The following GABRA4 variants were observed in gnomAD, a reference collection of about 807,000 sequenced individuals.
The protein encoded by GABRA4 is gamma-aminobutyric acid type A receptor subunit alpha4.
A neutral mutation model predicts 49.7 loss-of-function variants in GABRA4; 12 were observed. That is an observed-to-expected ratio of 0.24 (90% confidence interval 0.15 to 0.39). The LOEUF (loss-of-function observed/expected upper bound fraction) is 0.39. Ranked by LOEUF, GABRA4 falls within the 10% of genes least tolerant of loss-of-function variation. GABRA4 has a pLI of 1.00. For synonymous variants in GABRA4, 288 were observed against 240.2 expected, an observed-to-expected ratio of 1.20 and a Z score of -1.84; for missense variants, 506 against 686.0, an observed-to-expected ratio of 0.74 and a Z score of 2.93.
chr4:46,924,907 CTTG>C lies in GABRA4; in HGVS notation c.*3315_*3317del, dbSNP rs1227870406. 3 of 151,944 alleles carry C rather than the reference CTTG, an allele frequency of 2.0e-5. No homozygotes were observed. The highest frequency in any genetic ancestry group is 4.8e-5 in the African/African-American group (2 of 41,428). 9.4% of individuals were successfully genotyped at this position (151,944 alleles called of 1,614,324 possible). On this transcript the variant is annotated 3_prime_UTR_variant, in exon 9 of 9. Transcript: ENST00000264318. ...AATCAGTCTTAGAGAGGTTAAGAGA[CTTG>C]TTTAAAACCACAAGACACTCAGAAC...
In GABRA4 at chr4:46,926,819, C is replaced by T. The variant is rs1464754279; in HGVS notation, c.*1406G>A. ...AGAAAGAAGTCAGTAGATGAAAACC[C>T]TGATAAATCACATAGCAGAGTCAGT... On this transcript the variant is annotated 3_prime_UTR_variant, in exon 9 of 9. Coordinates refer to ENST00000264318, the MANE Select transcript of GABRA4 (RefSeq NM_000809.4). 1 of 151,876 alleles carries T rather than the reference C, an allele frequency of 6.6e-6. No homozygotes were observed. Among genetic ancestry groups the T allele is most frequent in the Non-Finnish European group, 1.5e-5 (1 of 67,868 alleles). The allele number at this position is 151,876 out of a possible 1,614,324, so 9.4% of individuals were successfully genotyped here.
chr4:46,977,702 A>C, intron 3 of GABRA4, 72 bp from the exon 4 acceptor site: 1 of 1,005,780 alleles, frequency 9.9e-7, no homozygotes, highest in South Asian at 1.6e-5. Flanking sequence ...TAATGCATTA[A>C]ATTCTGTCTT....
At chr4:46,957,795 A>G (rs978874603) in intron 8 of GABRA4, among the ~76,000 whole-genome samples, 5 of 151,914 alleles carry the variant, frequency 3.3e-5, no homozygotes, top group Non-Finnish European at 5.9e-5. Context: ...TGACCTTGGG[A>G]AGATTATTTG....
chr4:46,979,540 A>C (rs1343152801), intron 2 of GABRA4, among the ~76,000 whole-genome samples: 2 of 152,118 alleles, frequency 1.3e-5, no homozygotes, highest in African/African-American at 4.8e-5. Context: ...TGGAGAGCTG[A>C]GGATACTAGT....
chr4:46,935,984 CTT>C (rs1721590587), intron 8 of GABRA4, among the ~76,000 whole-genome samples: 2 of 152,140 alleles, frequency 1.3e-5, no homozygotes, highest in Non-Finnish European at 2.9e-5. Flanking sequence ...AACCTTATAA[CTT>C]ATGCATAAGA....
At chr4:46,951,613 C>T (rs16859761) in intron 8 of GABRA4, among the ~76,000 whole-genome samples, 3,452 of 151,926 alleles carry the variant, frequency 0.023, 59 homozygotes, top group Non-Finnish European at 0.033. Flanking sequence ...CTCCAAGTGC[C>T]AGGGACCTAG....
rs1431378915 is a variant in GABRA4 at position 46,925,346 on chromosome 4, A to G, written c.*2879T>C. On this transcript the variant is annotated 3_prime_UTR_variant, in exon 9 of 9. Transcript: ENST00000264318. ...TGCAAGTCATTTTAAAATGTGGATT[A>G]ATCATGTAAATATATGTTTATACCT... 6.6e-6 allele frequency: 1 copy of G among 151,986 alleles called. No individual in the cohort carries two copies. Among genetic ancestry groups the G allele is most frequent in the African/African-American group, 2.4e-5 (1 of 41,430 alleles). The allele number at this position is 151,986 out of a possible 1,614,324, so 9.4% of individuals were successfully genotyped here.
At chr4:46,983,012 G>T (rs1192432436) in intron 2 of GABRA4, among the ~76,000 whole-genome samples, 3 of 151,976 alleles carry the variant, frequency 2.0e-5, no homozygotes, top group African/African-American at 4.8e-5. Flanking sequence ...AGGCTATTAG[G>T]TTCTTCCCAT....
chr4:46,954,362 G>C (rs565200002), intron 8 of GABRA4, among the ~76,000 whole-genome samples: 1 of 151,554 alleles, frequency 6.6e-6, no homozygotes, highest in African/African-American at 2.4e-5. Flanking sequence ...TTCGAGACCA[G>C]CCTGGCCAAA....
chr4:46,938,413 GCA>G (rs1721672102), intron 8 of GABRA4, among the ~76,000 whole-genome samples: 1 of 152,094 alleles, frequency 6.6e-6, no homozygotes, highest in African/African-American at 2.4e-5. Flanking sequence ...ATCTACATCA[GCA>G]AAGGCAACAG....
At chr4:46,958,433 TATC>T (rs1486743847) in intron 8 of GABRA4, among the ~76,000 whole-genome samples, 1 of 151,974 alleles carries the variant, frequency 6.6e-6, no homozygotes, top group Non-Finnish European at 1.5e-5. Context: ...TTTTTAAAAA[TATC>T]ATTTCATTAA....
chr4:46,970,544 A>G (rs1722913999), intron 7 of GABRA4, among the ~76,000 whole-genome samples: 1 of 151,518 alleles, frequency 6.6e-6, no homozygotes, highest in Admixed American at 6.6e-5. Flanking sequence ...TAAAAACAAA[A>G]AGAAAAACCA....
chr4:46,967,548 G>C (rs1722810026), intron 7 of GABRA4, among the ~76,000 whole-genome samples: 2 of 151,546 alleles, frequency 1.3e-5, no homozygotes, highest in Non-Finnish European at 3.0e-5. Context: ...CATGAGTTAA[G>C]TGGTGATGTG....
intron 8 of GABRA4, among the ~76,000 whole-genome samples, chr4:46,963,395 T>A (rs1459389074): frequency 6.6e-6 from 1 of 151,786 alleles, no homozygotes; most frequent in African/African-American, 2.4e-5. Context: ...AGTAATTGAA[T>A]CATGGGGGAC....
rs1577790100 is a variant in GABRA4 at position 46,979,024 on chromosome 4, T to C, written c.273+7A>G. 6.3e-7 allele frequency: 1 copy of C among 1,595,344 alleles called. No individual in the cohort carries two copies. Among genetic ancestry groups the C allele is most frequent in the Non-Finnish European group, 8.6e-7 (1 of 1,164,378 alleles). Reference sequence around the variant, plus strand: ...CAAAAGGTACATTAAACTTCGAAAATACCTACCATTTCAACATCAGAAACA... The same window carrying C: ...CAAAAGGTACATTAAACTTCGAAAACACCTACCATTTCAACATCAGAAACA... On this transcript the variant is annotated splice_region_variant and intron_variant, in intron 3 of 8. Coordinates refer to ENST00000264318, the MANE Select transcript of GABRA4 (RefSeq NM_000809.4).
rs1877401 is a variant in GABRA4, at chr4:46,975,253, T to G, written c.578-878A>C. On this transcript the variant is annotated intron_variant, in intron 5 of 8. Transcript: ENST00000264318. ...GTCCTCAATGGAATCATTTAATTCT[T>G]CAAAAGGAGTTGACACCTAAGAGCA... Among the ~76,000 whole-genome samples, 1,450 of 152,128 alleles carry G rather than the reference T, an allele frequency of 9.5e-3. 13 individuals carry two copies. Among genetic ancestry groups the G allele is most frequent in the African/African-American group, 0.033 (1,364 of 41,552 alleles).
intron 8 of GABRA4, among the ~76,000 whole-genome samples, chr4:46,953,243 C>A (rs1242031179): frequency 6.6e-6 from 1 of 152,054 alleles, no homozygotes; most frequent in Admixed American, 6.6e-5. Flanking sequence ...ACCTCACCAC[C>A]AATCTGAGTT....
At chr4:46,955,334 A>C (rs761552598) in intron 8 of GABRA4, among the ~76,000 whole-genome samples, 7 of 152,116 alleles carry the variant, frequency 4.6e-5, no homozygotes, top group Non-Finnish European at 1.0e-4. Context: ...AAAGAACCTA[A>C]ATCTTCAATT....
chr4:46,952,032 T>C (rs765024130), intron 8 of GABRA4, among the ~76,000 whole-genome samples: 4 of 152,070 alleles, frequency 2.6e-5, no homozygotes, highest in Non-Finnish European at 5.9e-5. Context: ...AAGCTTGTTT[T>C]AGCCAACCCA....
Sources: allele counts gnomAD v4.1 joint callset (sites outside exome capture counted in the v4.1 genomes callset), GRCh38; gene constraint gnomAD v4.1.1; transcripts MANE v1.5; gene names NCBI Gene and HGNC (gene_info 2026-07-23, HGNC 2026-07-21).